The following GAB4 variants were observed in gnomAD, a reference collection of about 807,000 sequenced individuals.
GAB4 encodes the protein GRB2-associated-binding protein 4.
A neutral mutation model predicts 51.3 loss-of-function variants in GAB4; 26 were observed. That is an observed-to-expected ratio of 0.51 (90% CI 0.37 to 0.70). GAB4 has a LOEUF of 0.70. GAB4 is among the 30% of genes least tolerant of loss of function. The probability of loss-of-function intolerance (pLI) is 0.00; values close to 1 mark genes in which losing one functional copy is unlikely to be tolerated. For missense variants in GAB4, 759 were observed against 734.6 expected (o/e 1.03, Z -0.38); for synonymous variants, 329 against 291.2 (o/e 1.13, Z -1.32).
In GAB4 at chr22:16,987,818, T is replaced by A. The variant is rs536460521; in HGVS notation, c.686+142A>T. The A allele has an allele frequency of 3.8e-5, 24 of 623,928 alleles. No homozygotes were observed. The East Asian group carries it at 6.4e-4, about 17-fold the overall frequency. The allele number at this position is 623,928 out of a possible 1,614,324, so 38.6% of individuals were successfully genotyped here. On this transcript the variant is annotated intron_variant, in intron 3 of 9. Coordinates refer to ENST00000400588, the MANE Select transcript of GAB4 (RefSeq NM_001037814.1). Reference sequence around the variant, plus strand: ...ATGTGAAGGCTACATAAACAAAAAATTAAATGTTGTTATATATGTTTGCTT... The same window carrying A: ...ATGTGAAGGCTACATAAACAAAAAAATAAATGTTGTTATATATGTTTGCTT...
chr22:16,990,381 G>A (rs985046115), intron 2 of GAB4, among the ~76,000 whole-genome samples: 4 of 152,290 alleles, frequency 2.6e-5, no homozygotes, highest in Admixed American at 2.6e-4. Context: ...ATCAAGCCCA[G>A]TGTGTAACAC....
At position 16,968,207 on chromosome 22, in the gene GAB4, T is replaced by G. The variant is rs955004642; in HGVS notation, c.1023+91A>C. 1.1e-5 allele frequency: 10 copies of G among 901,488 alleles called. No homozygotes were observed. In the Admixed American group the frequency reaches 1.8e-4, roughly 16 times the overall value. The allele number at this position is 901,488 out of a possible 1,614,324, so 55.8% of individuals were successfully genotyped here. A position where few individuals can be genotyped will look rare whatever the true frequency, so the allele number is the denominator to read the frequency against. ...GCAGCCTCCTAGGAGGGAGATGCTG[T>G]CACCCTTTGGGGGATGTGCTTTTAG... On this transcript the variant is annotated intron_variant, in intron 5 of 9. Transcript: ENST00000400588.
At position 17,008,144 on chromosome 22, in the gene GAB4, G is replaced by A. The variant is rs754640539; in HGVS notation, c.-30C>T. 6.6e-7 allele frequency: 1 copy of A among 1,515,406 alleles called. No homozygotes were observed. The highest frequency in any genetic ancestry group is 9.1e-7 in the Non-Finnish European group (1 of 1,103,578). 93.9% of individuals were successfully genotyped at this position (1,515,406 alleles called of 1,614,324 possible). ...GCTGCAGCTCACAGTGAAGGTGGGG[G>A]AGACAGGGCGAGAGGGCGTTGCTGG... On this transcript the variant is annotated 5_prime_UTR_variant, in exon 1 of 10. Transcript: ENST00000400588.
chr22:16,996,753 C>T (rs975796441), intron 1 of GAB4, among the ~76,000 whole-genome samples: 4 of 151,956 alleles, frequency 2.6e-5, no homozygotes, highest in African/African-American at 9.7e-5. Flanking sequence ...TGTTGGTGTG[C>T]TGCATCCGTT....
chr22:16,984,965 A>C (rs1334050280), intron 3 of GAB4, among the ~76,000 whole-genome samples: 2 of 152,188 alleles, frequency 1.3e-5, no homozygotes, highest in Non-Finnish European at 2.9e-5. Flanking sequence ...AATCCATGGA[A>C]GACAGAAAAT....
intron 1 of GAB4, among the ~76,000 whole-genome samples, chr22:17,003,939 T>C (rs746026848): frequency 2.6e-5 from 4 of 151,736 alleles, no homozygotes; most frequent in Non-Finnish European, 5.9e-5. Context: ...AAGAATCAAA[T>C]AGACACAACA....
In GAB4 at chr22:16,965,280, A is replaced by G. The variant is rs372039947; in HGVS notation, c.1289-12T>C. 23 of 1,609,012 alleles carry G rather than the reference A, an allele frequency of 1.4e-5. No individual in the cohort carries two copies. The highest frequency in any genetic ancestry group is 1.8e-5 in the Non-Finnish European group (21 of 1,175,818). ...CGGTGTTGGGTTGGCTGGAGCAGGA[A>G]AAGAACCTTGTCATCAGCCAGTGAT... On this transcript the variant is annotated splice_polypyrimidine_tract_variant and intron_variant, in intron 6 of 9. Transcript: ENST00000400588.
chr22:16,995,929 A>G (rs960948632), intron 1 of GAB4, among the ~76,000 whole-genome samples: 4 of 152,106 alleles, frequency 2.6e-5, no homozygotes, highest in African/African-American at 9.7e-5. Context: ...CCTTGCCAGC[A>G]AGAGAACAAA....
chr22:16,964,927 G>T, intron 7 of GAB4, 65 bp from the exon 8 acceptor site: 2 of 1,251,940 alleles, frequency 1.6e-6, no homozygotes, highest in Non-Finnish European at 2.3e-6. Context: ...CAGGGCTCCA[G>T]CCTCCAGCTG....
chr22:16,987,035 T>C (rs1217711580), intron 3 of GAB4, among the ~76,000 whole-genome samples: 1 of 152,218 alleles, frequency 6.6e-6, no homozygotes, highest in African/African-American at 2.4e-5. Flanking sequence ...AAAATGGAGA[T>C]AAATGATCTT....
intron 2 of GAB4, among the ~76,000 whole-genome samples, chr22:16,990,007 T>C (rs1221765832): frequency 1.3e-5 from 2 of 152,144 alleles, no homozygotes; most frequent in Non-Finnish European, 2.9e-5. Context: ...GCCCCTCGTA[T>C]GCCTGTGTTC....
At chr22:17,005,201 C>T (rs2061030555) in intron 1 of GAB4, among the ~76,000 whole-genome samples, 1 of 152,140 alleles carries the variant, frequency 6.6e-6, no homozygotes, top group African/African-American at 2.4e-5. Flanking sequence ...TTCCTATACA[C>T]CAATAATAGA....
chr22:16,963,637 C>T (rs1274889024), intron 9 of GAB4, 88 bp downstream of exon 9: 7 of 895,222 alleles, frequency 7.8e-6, no homozygotes, highest in Non-Finnish European at 1.2e-5. Flanking sequence ...CCCAGCAGCC[C>T]AGTGCTGCCG....
At chr22:16,991,475 T>C (rs147841837) in intron 2 of GAB4, among the ~76,000 whole-genome samples, 8 of 152,206 alleles carry the variant, frequency 5.3e-5, no homozygotes, top group African/African-American at 1.9e-4. Flanking sequence ...CTGTATTTGC[T>C]CCTCTCACCT....
chr22:17,001,842 C>T (rs2123725081), intron 1 of GAB4, among the ~76,000 whole-genome samples: 1 of 152,264 alleles, frequency 6.6e-6, no homozygotes, highest in Admixed American at 6.5e-5. Context: ...CTTTGTTTAC[C>T]TACTCAAGCC....
chr22:16,972,821 CT>C (rs983849727), intron 3 of GAB4, among the ~76,000 whole-genome samples: 1 of 152,184 alleles, frequency 6.6e-6, no homozygotes, highest in Admixed American at 6.5e-5. Flanking sequence ...TCTCTCCATC[CT>C]GCTATTACCT....
Position 16,966,226 on chromosome 22 carries a change from A to C in GAB4, c.1162T>G (p.Ser388Ala), listed in dbSNP as rs776499615. The change falls in exon 6 of 10, where the codon TCA becomes GCA. Residue 388 changes from serine to alanine, a missense_variant. Physicochemically the swap from Ser to Ala is moderately conservative, Grantham distance 99 (BLOSUM62 1). Around this residue, in one of 3 missense-constraint regions of GAB4, gnomAD observed 588 missense variants for 510.2 expected, o/e 1.15. Coordinates refer to ENST00000400588, the MANE Select transcript of GAB4 (RefSeq NM_001037814.1). ...DSQGVCIPVG[S>A]CLVRFDLLGS... ...AGCAGGTCAAAGCGAACAAGACATG[A>C]GCCCACAGGGATGCAGACACCCTGG... 1 of 1,614,142 alleles carries C rather than the reference A, an allele frequency of 6.2e-7. No individual in the cohort carries two copies. The highest frequency in any genetic ancestry group is 1.7e-5 in the Admixed American group (1 of 60,020).
intron 1 of GAB4, among the ~76,000 whole-genome samples, chr22:17,007,660 G>A (rs1343070593): frequency 6.6e-6 from 1 of 152,202 alleles, no homozygotes; most frequent in Non-Finnish European, 1.5e-5. Flanking sequence ...TGCGGAGCCT[G>A]CTGTGTCCCC....
chr22:16,976,937 G>A (rs939459132), intron 3 of GAB4, among the ~76,000 whole-genome samples: 1 of 152,164 alleles, frequency 6.6e-6, no homozygotes, highest in African/African-American at 2.4e-5. Flanking sequence ...GTAAGTGAAG[G>A]AGAAATAAAT....
Sources: gnomAD v4.1 joint callset for allele counts (sites outside exome capture counted in the v4.1 genomes callset) on GRCh38, gnomAD v4.1.1 for gene constraint, gnomAD v4.1.1 regional missense constraint, MANE v1.5 for transcripts, NCBI Gene and HGNC (gene_info 2026-07-23, HGNC 2026-07-21) for gene names.